Variants in CDH26 observed in about 807,000 individuals in gnomAD.
CDH26 encodes cadherin 26.
In CDH26, 83 loss-of-function variants were observed where a neutral mutation model predicts 90.3. That is an observed-to-expected ratio of 0.92 (90% CI 0.77 to 1.10). The LOEUF (loss-of-function observed/expected upper bound fraction) is 1.10. Ranked by LOEUF, CDH26 falls within the 50% of genes least tolerant of loss-of-function variation. The probability of loss-of-function intolerance (pLI) is 0.00; values close to 1 mark genes in which losing one functional copy is unlikely to be tolerated. For missense variants in CDH26, 1,013 were observed against 1,037.6 expected, an observed-to-expected ratio of 0.98 and a Z score of 0.33; for synonymous variants, 397 against 396.3, an observed-to-expected ratio of 1.00 and a Z score of -0.02.
At chr20:59,980,355 C>T (rs990276103) in intron 4 of CDH26, among the ~76,000 whole-genome samples, 1 of 151,160 alleles carries the variant, frequency 6.6e-6, no homozygotes, top group Non-Finnish European at 1.5e-5. Context: ...AGTGCAATGG[C>T]GCAATCTCAG....
intron 7 of CDH26, among the ~76,000 whole-genome samples, chr20:60,023,650 G>A (rs2061975314): frequency 6.6e-6 from 1 of 152,154 alleles, no homozygotes; most frequent in South Asian, 2.1e-4. Context: ...CTGCTGGCCA[G>A]TACCTGAGCA....
intron 1 of CDH26, among the ~76,000 whole-genome samples, chr20:59,959,742 G>C (rs567729673): frequency 1.8e-4 from 27 of 152,240 alleles, no homozygotes; most frequent in African/African-American, 6.3e-4. Flanking sequence ...ACATAAGATT[G>C]AGGAAATCTC....
rs1184548540 is a variant in CDH26, at chr20:59,989,095, AGAG to A, written c.1220_1222del (p.Glu407del). 6.8e-6 allele frequency: 11 copies of A among 1,614,072 alleles called. No homozygotes were observed. Among genetic ancestry groups the A allele is most frequent in the African/African-American group, 2.7e-5 (2 of 74,930 alleles). On this transcript the variant is annotated inframe_deletion, in exon 9 of 18. Transcript: ENST00000348616. Reference sequence around the variant, plus strand: ...ACCCCCAGAGCTTCATTGTCAATAAAGAGGAGGGCGCCAGGCCTGGGACCCTGT... The same window carrying A: ...ACCCCCAGAGCTTCATTGTCAATAAAGAGGGCGCCAGGCCTGGGACCCTGT...
chr20:59,972,401 T>C (rs758257553), intron 4 of CDH26, among the ~76,000 whole-genome samples: 1 of 152,200 alleles, frequency 6.6e-6, no homozygotes, highest in Non-Finnish European at 1.5e-5. Context: ...AGAAAGCATT[T>C]GGGTATAGGG....
chr20:59,986,160 G>A (rs971579343), intron 7 of CDH26: 2 of 152,220 alleles, frequency 1.3e-5, no homozygotes, highest in African/African-American at 4.8e-5. Flanking sequence ...CCGTGTTCAG[G>A]ATTCTAGAGG....
intron 1 of CDH26, among the ~76,000 whole-genome samples, chr20:59,959,282 T>G (rs1209297527): frequency 6.6e-6 from 1 of 152,128 alleles, no homozygotes; most frequent in East Asian, 1.9e-4. Flanking sequence ...GTATTTTTTA[T>G]AGAGATGGAT....
chr20:60,011,034 G>C (rs2146021404), intron 17 of CDH26, among the ~76,000 whole-genome samples: 1 of 152,344 alleles, frequency 6.6e-6, no homozygotes, highest in Non-Finnish European at 1.5e-5. Context: ...ATGTGATCTT[G>C]CCGGGTGACC....
chr20:59,985,341 T>C (rs969756528), intron 7 of CDH26, among the ~76,000 whole-genome samples: 25 of 152,068 alleles, frequency 1.6e-4, no homozygotes, highest in African/African-American at 4.6e-4. Context: ...GCTCAGCTTC[T>C]AGGGAGGCCT....
intron 17 of CDH26, among the ~76,000 whole-genome samples, chr20:60,007,175 C>T (rs1021508814): frequency 3.9e-5 from 6 of 152,190 alleles, no homozygotes; most frequent in Non-Finnish European, 7.3e-5. Flanking sequence ...CTAATTGTCT[C>T]CCAAAGGCTC....
In CDH26 at chr20:60,033,208, G is replaced by C. The variant is rs1319810386; in HGVS notation, c.1144-278G>C. ...TCCTTATTGCTTTGTCGGTAAAATG[G>C]GGAAAATAGTAACACCCCTCTTACA... On this transcript the variant is annotated intron_variant, in intron 8 of 8. Coordinates refer to the CDH26 transcript ENST00000370991. Among the ~76,000 whole-genome samples the C allele has an allele frequency of 3.3e-5, 5 of 152,252 alleles. No homozygotes were observed. In the East Asian group the frequency reaches 9.7e-4, roughly 29 times the overall value.
intron 9 of CDH26, among the ~76,000 whole-genome samples, chr20:59,991,753 G>C (rs1397322336): frequency 1.3e-5 from 2 of 152,192 alleles, no homozygotes; most frequent in Non-Finnish European, 2.9e-5. Context: ...CTGAGTCCAG[G>C]AGGTTCCTGC....
At chr20:60,032,661 T>C (rs1210961894) in intron 8 of CDH26, among the ~76,000 whole-genome samples, 2 of 151,972 alleles carry the variant, frequency 1.3e-5, no homozygotes, top group Admixed American at 6.5e-5. Context: ...TGGAATACTA[T>C]TCAGCCATAA....
At chr20:60,011,185 G>A (rs1380426111) in intron 17 of CDH26, among the ~76,000 whole-genome samples, 1 of 152,236 alleles carries the variant, frequency 6.6e-6, no homozygotes, top group Non-Finnish European at 1.5e-5. Context: ...GAGAGGATGG[G>A]GCAGGGGAGA....
intron 7 of CDH26, among the ~76,000 whole-genome samples, chr20:60,029,877 A>T (rs2122799455): frequency 6.6e-6 from 1 of 152,178 alleles, no homozygotes; most frequent in East Asian, 1.9e-4. Context: ...AACATTTCTT[A>T]AGAGGGTAGG....
At chr20:59,979,124 A>AT (rs1299291920) in intron 4 of CDH26, among the ~76,000 whole-genome samples, 3 of 151,202 alleles carry the variant, frequency 2.0e-5, no homozygotes, top group Admixed American at 6.6e-5. Context: ...TTAAGTCTAG[A>AT]TTTTTTTCAC....
In CDH26 at chr20:60,033,381, T is replaced by G. The variant is rs899822280; in HGVS notation, c.1144-105T>G. On this transcript the variant is annotated intron_variant, in intron 8 of 8. Coordinates refer to the CDH26 transcript ENST00000370991. ...CAGGCTGCCTTCCTTCATGCATACA[T>G]GCACGTGGCAAATACTTATCAAATG... is the stretch of plus-strand genomic sequence containing the variant. 3.3e-6 allele frequency: 4 copies of G among 1,227,710 alleles called. No homozygotes were observed. The African/African-American group carries it at 6.3e-5, about 19-fold the overall frequency. 76.1% of individuals were successfully genotyped at this position (1,227,710 alleles called of 1,614,324 possible). A position where few individuals can be genotyped will look rare whatever the true frequency, so the allele number is the denominator to read the frequency against.
intron 10 of CDH26, among the ~76,000 whole-genome samples, chr20:59,993,786 A>G (rs1482879773): frequency 6.6e-6 from 1 of 152,228 alleles, no homozygotes; most frequent in Non-Finnish European, 1.5e-5. Flanking sequence ...GAAATAATCT[A>G]GTGGATCCTG....
rs763671994 is a variant in CDH26 at position 59,995,934 on chromosome 20, G to C, written c.1768G>C (p.Val590Leu). 6.2e-7 allele frequency: 1 copy of C among 1,614,120 alleles called. No individual in the cohort carries two copies. The highest frequency in any genetic ancestry group is 1.7e-5 in the Admixed American group (1 of 60,010). Residue 590 changes from valine (V) to leucine (L), a missense_variant, in exon 12 of 18, where the codon GTC becomes CTC. Transcript: ENST00000348616. ...ACAGGGACTTTCCCAGAAGCAAACTGTCCATGTAAGGATCTGCCCCTGTGC... is the reference window on the plus strand; with the variant it reads ...ACAGGGACTTTCCCAGAAGCAAACTCTCCATGTAAGGATCTGCCCCTGTGC... ...DKQGLSQKQTVHVRICPCASG... is the reference protein window; with the variant it reads ...DKQGLSQKQTLHVRICPCASG...
intron 7 of CDH26, among the ~76,000 whole-genome samples, chr20:60,029,372 T>TATAGTCAACAACGTAGCAC (rs2062023129): frequency 4.7e-5 from 2 of 42,114 alleles, no homozygotes; most frequent in Non-Finnish European, 1.0e-4. Flanking sequence ...CAACGTAGCA[T>TATAGTCAACAACGTAGCAC]CTATAGTCAA....
Sources: allele counts gnomAD v4.1 joint callset (sites outside exome capture counted in the v4.1 genomes callset), GRCh38; gene constraint gnomAD v4.1.1; transcripts MANE v1.5; gene names NCBI Gene and HGNC (gene_info 2026-07-23, HGNC 2026-07-21).